KCNRG: variants seen among roughly 807,000 people sequenced by gnomAD.
KCNRG encodes the protein potassium channel regulator, also known as potassium channel regulatory protein.
A neutral mutation model predicts 17.7 loss-of-function variants in KCNRG; 17 were observed. The observed-to-expected ratio is 0.96, with a 90% confidence interval of 0.66 to 1.44. KCNRG has a LOEUF of 1.44. Ranked by LOEUF, KCNRG falls within the 40% of genes most tolerant of loss-of-function variation. The pLI is 0.00. For synonymous variants in KCNRG, 97 were observed against 116.5 expected (o/e 0.83, Z 1.08); for missense variants, 311 against 321.1 (o/e 0.97, Z 0.24).
chr13:50,019,616 ATTTG>A lies in KCNRG; in HGVS notation c.579-593_579-590del, dbSNP rs374149500. 6.5e-3 allele frequency among the ~76,000 whole-genome samples: 955 copies of A among 146,388 alleles called. 11 individuals carry two copies. Among genetic ancestry groups the A allele is most frequent in the African/African-American group, 0.023 (890 of 38,438 alleles). On this transcript the variant is annotated intron_variant, in intron 1 of 1. Transcript: ENST00000312942. ...AAATAGTTATATAAAAATTAATACA[ATTTG>A]TTTGATCAAATGTTTTCTTTAGAAA... is the stretch of plus-strand genomic sequence containing the variant.
chr13:50,016,305 C>T (rs1213521815), intron 1 of KCNRG: 16 of 433,340 alleles, frequency 3.7e-5, no homozygotes, highest in Non-Finnish European at 8.5e-6. Context: ...GAAGACTGCC[C>T]AGAAAAAACT....
chr13:50,015,546 C>T lies in KCNRG; in HGVS notation c.53C>T (p.Thr18Ile). ...AATGTGGGAGGGAAGATATTCACGACAAGGTTTTCTACGATAAAGCAGTTT... is the reference window on the plus strand; with the variant it reads ...AATGTGGGAGGGAAGATATTCACGATAAGGTTTTCTACGATAAAGCAGTTT... Reference protein sequence around the residue: ...TLNVGGKIFTTRFSTIKQFPA... With the variant: ...TLNVGGKIFTIRFSTIKQFPA... Residue 18 changes from threonine (T) to isoleucine (I), a missense_variant, in exon 1 of 2, where the codon ACA becomes ATA. Transcript: ENST00000312942. 6.2e-7 allele frequency: 1 copy of T among 1,613,978 alleles called. No individual in the cohort carries two copies. Among genetic ancestry groups the T allele is most frequent in the Non-Finnish European group, 8.5e-7 (1 of 1,179,946 alleles).
Position 50,015,749 on chromosome 13 carries a change from G to T in KCNRG, c.256G>T (p.Ala86Ser), listed in dbSNP as rs866665695. The T allele has an allele frequency of 6.2e-7, 1 of 1,613,990 alleles. No homozygotes were observed. Among genetic ancestry groups the T allele is most frequent in the African/African-American group, 1.3e-5 (1 of 74,986 alleles). The change falls in exon 1 of 2, where the codon GCT (alanine) becomes TCT (serine). Residue 86 changes from alanine (A) to serine (S), a missense_variant. Physicochemically the swap from Ala to Ser is moderately conservative, Grantham distance 99. Transcript: ENST00000312942. ...AGACTATCTTAGGCTTCAGAGAGAG[G>T]CTCTTTTCTATGAACTTCGTTCTCT... The part of the protein sequence containing the change: ...FSDYLRLQRE[A>S]LFYELRSLVD...
intron 1 of KCNRG, chr13:50,017,486 C>T (rs925187652): frequency 4.8e-5 from 8 of 167,118 alleles, no homozygotes; most frequent in East Asian, 1.9e-4. Context: ...AGAAACAGCA[C>T]GAAAGTTTTT....
Position 50,017,006 on chromosome 13 carries a change from A to G in KCNRG, c.578+935A>G, listed in dbSNP as rs540917712. 2.4e-5 allele frequency: 4 copies of G among 167,108 alleles called. No individual in the cohort carries two copies. In the East Asian group the frequency reaches 7.7e-4, roughly 32 times the overall value. The allele number at this position is 167,108 out of a possible 1,614,324, so 10.4% of individuals were successfully genotyped here. ...GCTTACCAACTGGAGGACACTAGGTAGAATAACCGAGTATGACAATTCTTA... is the reference window on the plus strand; with the variant it reads ...GCTTACCAACTGGAGGACACTAGGTGGAATAACCGAGTATGACAATTCTTA... On this transcript the variant is annotated intron_variant, in intron 1 of 1. Transcript: ENST00000312942.
Position 50,015,606 on chromosome 13 carries a change from G to C in KCNRG, c.113G>C (p.Arg38Thr). Residue 38 changes from arginine to threonine, a missense_variant, in exon 1 of 2, where the codon AGA (arginine) becomes ACA (threonine). By Grantham distance (71) the Arg-to-Thr change is moderately conservative. Transcript: ENST00000312942. ...CGTTTGGCACGCATGTTAGATGGCA[G>C]AGACCAAGAATTCAAGATGGTTGGT... is the stretch of plus-strand genomic sequence containing the variant. ...ASRLARMLDG[R>T]DQEFKMVGGQ... 6.2e-7 allele frequency: 1 copy of C among 1,614,138 alleles called. No homozygotes were observed. The highest frequency in any genetic ancestry group is 8.5e-7 in the Non-Finnish European group (1 of 1,179,978).
In KCNRG at chr13:50,015,920, T is replaced by C. The variant is rs980901366; in HGVS notation, c.427T>C (p.Phe143Leu). ...GATGCTAACAGGGAGGATTACAGTG[T>C]TTACAGAACAACCTTCAGCGCCGAC... ...IEMLTGRITV[F>L]TEQPSAPTWN... The change falls in exon 1 of 2, where the codon TTT becomes CTT. Residue 143 changes from phenylalanine to leucine, a missense_variant. Transcript: ENST00000312942. 6.2e-7 allele frequency: 1 copy of C among 1,613,936 alleles called. No individual in the cohort carries two copies. The highest frequency in any genetic ancestry group is 1.7e-5 in the Admixed American group (1 of 59,992).
chr13:50,015,944 A>G lies in KCNRG; in HGVS notation c.451A>G (p.Thr151Ala), dbSNP rs1416549683. Residue 151 changes from threonine to alanine, a missense_variant, in exon 1 of 2, where the codon ACC (threonine) becomes GCC (alanine). By Grantham distance (58) the Thr-to-Ala change is moderately conservative. Transcript: ENST00000312942. ...GTTTACAGAACAACCTTCAGCGCCG[A>G]CCTGGAATGGTAACTTTTTCCCTCC... ...TVFTEQPSAP[T>A]WNGNFFPPQM... The G allele has an allele frequency of 6.2e-7, 1 of 1,613,960 alleles. No individual in the cohort carries two copies. Among genetic ancestry groups the G allele is most frequent in the Non-Finnish European group, 8.5e-7 (1 of 1,179,982 alleles).
chr13:50,017,592 G>A (rs1388455341), intron 1 of KCNRG: 1 of 166,868 alleles, frequency 6.0e-6, no homozygotes, highest in African/African-American at 2.4e-5. Flanking sequence ...TCACCAAATG[G>A]TATTCAATTG....
chr13:50,016,740 TC>T (rs572358276), intron 1 of KCNRG: 3 of 167,068 alleles, frequency 1.8e-5, no homozygotes, highest in African/African-American at 4.8e-5. Context: ...CAAACATTTT[TC>T]CCCCCGTAAA....
At position 50,015,501 on chromosome 13, in the gene KCNRG, G is replaced by A. The variant is rs1876425235; in HGVS notation, c.8G>A (p.Ser3Asn). MS[S>N]QELVTLNVGG... is the part of the protein sequence containing the mutation. ...GTTTGAAGTGAGGGAAGAATGAGTA[G>A]TCAGGAACTGGTCACTTTGAATGTG... is the stretch of plus-strand genomic sequence containing the variant. The change falls in exon 1 of 2, where the codon AGT (serine) becomes AAT (asparagine). Residue 3 changes from serine (S) to asparagine (N), a missense_variant. Coordinates refer to ENST00000312942, the MANE Select transcript of KCNRG (RefSeq NM_173605.2). 6.2e-7 allele frequency: 1 copy of A among 1,610,286 alleles called. No individual in the cohort carries two copies. The highest frequency in any genetic ancestry group is 8.5e-7 in the Non-Finnish European group (1 of 1,177,692).
intron 1 of KCNRG, among the ~76,000 whole-genome samples, chr13:50,019,117 A>G (rs1474722307): frequency 6.6e-6 from 1 of 150,974 alleles, no homozygotes; most frequent in East Asian, 2.0e-4. Context: ...GCTAATCTGA[A>G]AAGTTCATGT....
In KCNRG at chr13:50,017,265, A is replaced by C. The variant is rs1355481916; in HGVS notation, c.578+1194A>C. ...CCTCTTTGGGGATCATGCTTCAAAA[A>C]GTCAGAAACCTAGAGACAAAACTGT... On this transcript the variant is annotated intron_variant, in intron 1 of 1. Coordinates refer to ENST00000312942, the MANE Select transcript of KCNRG (RefSeq NM_173605.2). The C allele has an allele frequency of 1.8e-5, 3 of 167,118 alleles. No individual in the cohort carries two copies. In the East Asian group the frequency reaches 5.8e-4, roughly 32 times the overall value. 10.4% of individuals were successfully genotyped at this position (167,118 alleles called of 1,614,324 possible). A position where few individuals can be genotyped will look rare whatever the true frequency, so the allele number is the denominator to read the frequency against.
At position 50,015,672 on chromosome 13, in the gene KCNRG, T is replaced by C; in HGVS notation, c.179T>C (p.Phe60Ser). The C allele has an allele frequency of 1.2e-6, 2 of 1,614,160 alleles. No homozygotes were observed. The highest frequency in any genetic ancestry group is 3.3e-5 in the Admixed American group (2 of 60,016). Residue 60 changes from phenylalanine (F) to serine (S), a missense_variant, in exon 1 of 2, where the codon TTC becomes TCC. Physicochemically the swap from Phe to Ser is radical, Grantham distance 155. Coordinates refer to ENST00000312942, the MANE Select transcript of KCNRG (RefSeq NM_173605.2). ...GACAGAGATGGTGATTTGTTTAGTT[T>C]CATCTTAGATTTTTTGAGAACTCAC... ...FVDRDGDLFS[F>S]ILDFLRTHQL...
At position 50,015,496 on chromosome 13, in the gene KCNRG, GAGTAGTC is replaced by G. The variant is rs765080074; in HGVS notation, c.6_12del (p.Ser2ArgfsTer6). 6.2e-7 allele frequency: 1 copy of G among 1,602,668 alleles called. No homozygotes were observed. The highest frequency in any genetic ancestry group is 8.5e-7 in the Non-Finnish European group (1 of 1,173,412). ...CTCTAGTTTGAAGTGAGGGAAGAATGAGTAGTCAGGAACTGGTCACTTTGAATGTGGG... is the reference window on the plus strand; with the variant it reads ...CTCTAGTTTGAAGTGAGGGAAGAATGAGGAACTGGTCACTTTGAATGTGGG... On this transcript the variant is annotated frameshift_variant, in exon 1 of 2. Coordinates refer to ENST00000312942, the MANE Select transcript of KCNRG (RefSeq NM_173605.2). LOFTEE classifies it high-confidence loss of function.
In KCNRG at chr13:50,020,355, T is replaced by C. The variant is rs150639711; in HGVS notation, c.720T>C (p.Tyr240=). 1 of 1,613,958 alleles carries C rather than the reference T, an allele frequency of 6.2e-7. No individual in the cohort carries two copies. Among genetic ancestry groups the C allele is most frequent in the Non-Finnish European group, 8.5e-7 (1 of 1,179,950 alleles). ...CTTCTGAAGACAAAACTGAATGCTA[T>C]AGCTTTGAAAGGATAAAAAGCCCTG... The part of the protein sequence containing the change: ...TVSSEDKTEC[Y]SFERIKSPEV... The change falls in exon 2 of 2, where the codon TAT becomes TAC. Residue 240 remains tyrosine, a synonymous_variant. Transcript: ENST00000312942.
chr13:50,017,969 A>C (rs925520365), intron 1 of KCNRG: 1 of 167,036 alleles, frequency 6.0e-6, no homozygotes, highest in African/African-American at 2.4e-5. Context: ...CTCAGTTATT[A>C]TCTCTCAAGG....
At position 50,020,803 on chromosome 13, in the gene KCNRG, A is replaced by T. The variant is rs892993497; in HGVS notation, c.*349A>T. On this transcript the variant is annotated 3_prime_UTR_variant, in exon 2 of 2. Transcript: ENST00000312942. Reference sequence around the variant, plus strand: ...ATTGATCAAACTGATGGATACCCTAAGTACCCTGACTTGATCATTACACCT... The same window carrying T: ...ATTGATCAAACTGATGGATACCCTATGTACCCTGACTTGATCATTACACCT... 20 of 227,370 alleles carry T rather than the reference A, an allele frequency of 8.8e-5. No homozygotes were observed. The highest frequency in any genetic ancestry group is 1.6e-4 in the Non-Finnish European group (18 of 112,964). 14.1% of individuals were successfully genotyped at this position (227,370 alleles called of 1,614,324 possible).
At chr13:50,018,352 T>C (rs1424130674) in intron 1 of KCNRG, 1 of 166,588 alleles carries the variant, frequency 6.0e-6, no homozygotes, top group African/African-American at 2.4e-5. Context: ...TTTTTCTCAC[T>C]TTGACAAATG....
Sources: allele counts gnomAD v4.1 joint callset (sites outside exome capture counted in the v4.1 genomes callset), GRCh38; gene constraint gnomAD v4.1.1; transcripts MANE v1.5; gene names NCBI Gene and HGNC (gene_info 2026-07-23, HGNC 2026-07-21).